The following ADK variants were observed in gnomAD, a reference collection of about 807,000 sequenced individuals.
The protein encoded by ADK is adenosine kinase.
Under a neutral mutation model 44.7 loss-of-function variants are expected in ADK, and 24 were observed. That is an observed-to-expected ratio of 0.54 (90% CI 0.39 to 0.76). The LOEUF is 0.76. ADK is among the 30% of genes least tolerant of loss of function. The pLI is 0.00. For missense variants in ADK, 321 were observed against 425.1 expected (o/e 0.76, Z 2.15); for synonymous variants, 128 against 142.6 (o/e 0.90, Z 0.73).
chr10:74,383,243 GTA>G (rs1046984085), intron 4 of ADK, among the ~76,000 whole-genome samples: 1 of 152,096 alleles, frequency 6.6e-6, no homozygotes, highest in African/African-American at 2.4e-5. Context: ...TCTAGATAGA[GTA>G]TATGCAGCAT....
chr10:74,411,899 C>G (rs917706943), intron 6 of ADK, among the ~76,000 whole-genome samples: 1 of 152,234 alleles, frequency 6.6e-6, no homozygotes, highest in Non-Finnish European at 1.5e-5. Context: ...CAACAGCATT[C>G]ATAGCGTGTT....
At chr10:74,157,230 C>T (rs79682239) in intron 1 of ADK, among the ~76,000 whole-genome samples, 4,622 of 152,100 alleles carry the variant, frequency 0.03, 246 homozygotes, top group African/African-American at 0.11. Flanking sequence ...CACAGAACCC[C>T]TGGGAAAAGA....
intron 4 of ADK, chr10:74,371,784 C>CAAAG: frequency 7.6e-7 from 1 of 1,308,660 alleles, no homozygotes; most frequent in South Asian, 1.2e-5. Context: ...GAATATTGGC[C>CAAAG]AAAGGGCTGT....
rs933622435 is a variant in ADK, at chr10:74,655,363, C to T, written c.878-14820C>T. ...TGTCAGACATGGGACCTTCTCATAT[C>T]GTCCACATCAAAAAAGAGAAGAAAG... On this transcript the variant is annotated intron_variant, in intron 9 of 10. Transcript: ENST00000539909. 1.7e-5 allele frequency: 7 copies of T among 411,358 alleles called. 1 individual carries two copies. Among genetic ancestry groups the T allele is most frequent in the South Asian group, 1.2e-4 (6 of 49,590 alleles). 25.5% of individuals were successfully genotyped at this position (411,358 alleles called of 1,614,324 possible).
chr10:74,442,078 A>G (rs1446209156), intron 6 of ADK, among the ~76,000 whole-genome samples: 1 of 151,978 alleles, frequency 6.6e-6, no homozygotes, highest in Non-Finnish European at 1.5e-5. Flanking sequence ...AGTTGAGCCC[A>G]GGGGTTCAAG....
intron 4 of ADK, among the ~76,000 whole-genome samples, chr10:74,357,523 A>G (rs956378684): frequency 1.3e-4 from 20 of 148,658 alleles, no homozygotes; most frequent in Admixed American, 4.0e-4. Flanking sequence ...CTGGTCTCAA[A>G]CTCTTGGGCT....
At chr10:74,366,225 T>A (rs1842494381) in intron 4 of ADK, among the ~76,000 whole-genome samples, 1 of 152,174 alleles carries the variant, frequency 6.6e-6, no homozygotes, top group Non-Finnish European at 1.5e-5. Flanking sequence ...TCTAGATCCT[T>A]TGTAGTTAAA....
intron 10 of ADK, among the ~76,000 whole-genome samples, chr10:74,691,748 A>T (rs1017456178): frequency 5.3e-5 from 8 of 152,206 alleles, no homozygotes; most frequent in African/African-American, 2.4e-5. Flanking sequence ...AATGCATGTA[A>T]TTTTAAACAG....
intron 2 of ADK, among the ~76,000 whole-genome samples, chr10:74,212,357 G>A (rs1395550736): frequency 1.3e-5 from 2 of 152,144 alleles, no homozygotes; most frequent in African/African-American, 4.8e-5. Context: ...TTACTCTTTT[G>A]CCAAATACTG....
chr10:74,285,788 A>G (rs1282375053), intron 3 of ADK, among the ~76,000 whole-genome samples: 1 of 152,160 alleles, frequency 6.6e-6, no homozygotes, highest in Non-Finnish European at 1.5e-5. Context: ...AGAGAGGTGG[A>G]ATTGAAGGTT....
chr10:74,563,263 T>C (rs1850527673), intron 7 of ADK, among the ~76,000 whole-genome samples: 1 of 152,200 alleles, frequency 6.6e-6, no homozygotes, highest in Non-Finnish European at 1.5e-5. Context: ...CTCTTTCACC[T>C]GTCCCCTCAA....
chr10:74,561,719 T>C (rs146596801), intron 7 of ADK, among the ~76,000 whole-genome samples: 1 of 152,142 alleles, frequency 6.6e-6, no homozygotes, highest in Non-Finnish European at 1.5e-5. Flanking sequence ...AATATAGATT[T>C]AGAGATTTGT....
chr10:74,648,168 G>T (rs530994847), intron 9 of ADK, among the ~76,000 whole-genome samples: 1 of 152,118 alleles, frequency 6.6e-6, no homozygotes, highest in African/African-American at 2.4e-5. Context: ...AAGTGAAGGA[G>T]AAATTAAGAC....
chr10:74,618,514 C>T (rs1330296032), intron 9 of ADK, among the ~76,000 whole-genome samples: 1 of 152,176 alleles, frequency 6.6e-6, no homozygotes, highest in Admixed American at 6.5e-5. Flanking sequence ...GTCACTAACT[C>T]CTGACTTCAA....
chr10:74,577,625 A>C (rs1851241496), intron 7 of ADK, among the ~76,000 whole-genome samples: 1 of 151,402 alleles, frequency 6.6e-6, no homozygotes, highest in Non-Finnish European at 1.5e-5. Context: ...TTTTTACTCC[A>C]TTTTGTTACA....
At chr10:74,377,783 G>A (rs1031429443) in intron 4 of ADK, among the ~76,000 whole-genome samples, 11 of 152,278 alleles carry the variant, frequency 7.2e-5, no homozygotes, top group African/African-American at 2.4e-4. Flanking sequence ...CAGGTAGTGA[G>A]GAAGAGTGTA....
At chr10:74,634,443 C>T (rs998149741) in intron 9 of ADK, among the ~76,000 whole-genome samples, 2 of 152,046 alleles carry the variant, frequency 1.3e-5, no homozygotes, top group Non-Finnish European at 2.9e-5. Context: ...TGGTCTCGAT[C>T]TCCTGACCTC....
chr10:74,596,373 G>A (rs1327300597), intron 8 of ADK, among the ~76,000 whole-genome samples: 2 of 152,050 alleles, frequency 1.3e-5, no homozygotes. Flanking sequence ...GATTTAATGA[G>A]TACTTTATTT....
At chr10:74,528,033 T>A in intron 7 of ADK, 1 of 903,536 alleles carries the variant, frequency 1.1e-6, no homozygotes, top group Non-Finnish European at 1.9e-6. Flanking sequence ...TATTCGGCAA[T>A]AAAACCCAGA....
Sources: gnomAD v4.1 joint callset for allele counts (sites outside exome capture counted in the v4.1 genomes callset) on GRCh38, gnomAD v4.1.1 for gene constraint, MANE v1.5 for transcripts, NCBI Gene and HGNC (gene_info 2026-07-23, HGNC 2026-07-21) for gene names.